Variants in PREX1 observed in about 807,000 individuals in gnomAD.
PREX1 encodes phosphatidylinositol-3,4,5-trisphosphate dependent Rac exchange factor 1.
In PREX1, 41 loss-of-function variants were observed where a neutral mutation model predicts 198.3. That is an observed-to-expected ratio of 0.21 (90% CI 0.16 to 0.27). PREX1 has a LOEUF of 0.27. Among genes scored for constraint, PREX1 ranks in the 10% least tolerant of loss-of-function variants. The pLI, the probability that PREX1 is intolerant of heterozygous loss-of-function variation, is 1.00. For synonymous variants in PREX1, 843 were observed against 887.2 expected, an observed-to-expected ratio of 0.95 and a Z score of 0.89; for missense variants, 1,620 against 2,200.7, an observed-to-expected ratio of 0.74 and a Z score of 5.28.
intron 6 of PREX1, among the ~76,000 whole-genome samples, chr20:48,702,763 G>A (rs1309034879): frequency 2.0e-5 from 3 of 152,204 alleles, no homozygotes; most frequent in Admixed American, 6.5e-5. Context: ...GCGTTGCAAC[G>A]CTAATGAGCC....
chr20:48,803,734 C>T (rs1371896285), intron 1 of PREX1, among the ~76,000 whole-genome samples: 1 of 152,210 alleles, frequency 6.6e-6, no homozygotes, highest in Admixed American at 6.5e-5. Context: ...CCCATCTACA[C>T]TGACGAACCT....
chr20:48,795,041 C>T (rs978652261), intron 1 of PREX1, among the ~76,000 whole-genome samples: 1 of 152,162 alleles, frequency 6.6e-6, no homozygotes. Flanking sequence ...AATTCTCTTG[C>T]GTCCTTATCC....
chr20:48,645,749 C>T (rs543862741), intron 26 of PREX1, 102 bp downstream of exon 26: 14 of 1,329,208 alleles, frequency 1.1e-5, no homozygotes, highest in Admixed American at 8.1e-5. Flanking sequence ...GCCCACTGCA[C>T]CCTGAGAAGT....
chr20:48,644,315 T>C, intron 27 of PREX1, 94 bp downstream of exon 27: 9 of 1,070,986 alleles, frequency 8.4e-6, no homozygotes, highest in Non-Finnish European at 1.2e-5. Flanking sequence ...CAAAACAATA[T>C]AATGCAGAGG....
intron 5 of PREX1, among the ~76,000 whole-genome samples, chr20:48,721,445 C>G (rs1392037193): frequency 6.6e-6 from 1 of 152,214 alleles, no homozygotes; most frequent in Non-Finnish European, 1.5e-5. Context: ...GAAGAGTGAG[C>G]CTCAGGAGAC....
chr20:48,885,793 A>T, the PREX1 span, among the ~76,000 whole-genome samples: 1 of 152,214 alleles, frequency 6.6e-6, no homozygotes, highest in African/African-American at 2.4e-5. Flanking sequence ...ACTAAGCAAA[A>T]GAAGTCTTTC....
chr20:48,661,468 T>TATATATATATATATATATATATAC (rs1373152651), intron 15 of PREX1, among the ~76,000 whole-genome samples: 30 of 76,786 alleles, frequency 3.9e-4, no homozygotes, highest in African/African-American at 2.4e-3. Context: ...TATATATATA[T>TATATATATATATATATATATATAC]ACACACACAT....
chr20:48,885,249 C>T, the PREX1 span, among the ~76,000 whole-genome samples: 7 of 152,170 alleles, frequency 4.6e-5, no homozygotes, highest in East Asian at 3.8e-4. Flanking sequence ...GTTTCACTGT[C>T]GTAGGTCCAG....
chr20:48,661,132 G>A (rs1022975525), intron 15 of PREX1, among the ~76,000 whole-genome samples: 2 of 152,010 alleles, frequency 1.3e-5, no homozygotes, highest in Non-Finnish European at 2.9e-5. Flanking sequence ...AAAATATACT[G>A]ACGCCGGCCA....
chr20:48,648,060 G>A (rs73142106), intron 25 of PREX1, among the ~76,000 whole-genome samples: 23,904 of 152,046 alleles, frequency 0.16, 2,210 homozygotes, highest in Middle Eastern at 0.3. Flanking sequence ...ATGCCATCAC[G>A]CCTGGCTAAT....
the PREX1 span, among the ~76,000 whole-genome samples, chr20:48,871,941 C>T: frequency 3.3e-5 from 5 of 151,880 alleles, no homozygotes; most frequent in Non-Finnish European, 5.9e-5. Context: ...GGGCGGATCA[C>T]GAGGTCAGGA....
At chr20:48,636,728 G>A (rs762051367) in intron 31 of PREX1, 45 bp from the exon 32 acceptor site, 1 of 1,508,060 alleles carries the variant, frequency 6.6e-7, no homozygotes, top group South Asian at 1.2e-5. Flanking sequence ...GCGCTCCCGT[G>A]CCACCAGGAG....
intron 18 of PREX1, among the ~76,000 whole-genome samples, chr20:48,655,798 C>T (rs2089538435): frequency 6.6e-6 from 1 of 152,072 alleles, no homozygotes; most frequent in Non-Finnish European, 1.5e-5. Context: ...CACACAAGTC[C>T]CCTAGGAAGG....
chr20:48,866,045 C>G, the PREX1 span, among the ~76,000 whole-genome samples: 2 of 151,510 alleles, frequency 1.3e-5, no homozygotes, highest in Non-Finnish European at 2.9e-5. Context: ...ACTTCCTCGG[C>G]TCAAGCAATC....
chr20:48,840,075 C>T, the PREX1 span, among the ~76,000 whole-genome samples: 4 of 152,164 alleles, frequency 2.6e-5, no homozygotes, highest in Non-Finnish European at 4.4e-5. Context: ...AGTGCAGTGG[C>T]ACAATCATGG....
the PREX1 span, among the ~76,000 whole-genome samples, chr20:48,875,938 T>C: frequency 6.6e-6 from 1 of 152,110 alleles, no homozygotes; most frequent in Non-Finnish European, 1.5e-5. Flanking sequence ...GAGAAAGGCA[T>C]AGGGGAATGC....
intron 5 of PREX1, among the ~76,000 whole-genome samples, chr20:48,719,069 A>G (rs1427441685): frequency 2.0e-5 from 3 of 152,248 alleles, no homozygotes; most frequent in African/African-American, 7.2e-5. Context: ...CAAGCCTGGG[A>G]GGTAACTACC....
intron 1 of PREX1, among the ~76,000 whole-genome samples, chr20:48,767,215 C>T (rs2090212492): frequency 6.6e-6 from 1 of 152,224 alleles, no homozygotes; most frequent in African/African-American, 2.4e-5. Context: ...CCTCGACTCC[C>T]TGCCTTCCAG....
chr20:48,713,173 C>T (rs2089942367), intron 5 of PREX1, among the ~76,000 whole-genome samples: 1 of 151,156 alleles, frequency 6.6e-6, no homozygotes, highest in African/African-American at 2.4e-5. Flanking sequence ...TAACACAAGC[C>T]AGGCATGGTG....
Sources: allele counts gnomAD v4.1 joint callset (sites outside exome capture counted in the v4.1 genomes callset), GRCh38; gene constraint gnomAD v4.1.1; transcripts MANE v1.5; gene names NCBI Gene and HGNC (gene_info 2026-07-23, HGNC 2026-07-21).